EML6: variants seen among roughly 807,000 people sequenced by gnomAD.
The protein encoded by EML6 is EMAP like 6, also known as echinoderm microtubule-associated protein-like 6.
EML6 carries 154 observed loss-of-function variants against 240.1 expected under a neutral mutation model. That is an observed-to-expected ratio of 0.64 (90% CI 0.56 to 0.73). The LOEUF (loss-of-function observed/expected upper bound fraction) is 0.73. EML6 is among the 30% of genes least tolerant of loss of function. The pLI, the probability that EML6 is intolerant of heterozygous loss-of-function variation, is 0.00. For missense variants in EML6, 2,964 were observed against 2,474.6 expected, an observed-to-expected ratio of 1.20 and a Z score of -4.20; for synonymous variants, 1,148 against 899.0, an observed-to-expected ratio of 1.28 and a Z score of -4.95.
At chr2:54,862,635 C>G (rs533609299) in intron 12 of EML6, among the ~76,000 whole-genome samples, 15 of 152,060 alleles carry the variant, frequency 9.9e-5, no homozygotes, top group Non-Finnish European at 2.9e-5. Context: ...AATTCCCAAG[C>G]CTAGGAAAGA....
At chr2:54,933,845 C>T (rs565845639) in intron 28 of EML6, among the ~76,000 whole-genome samples, 1 of 152,300 alleles carries the variant, frequency 6.6e-6, no homozygotes, top group East Asian at 1.9e-4. Context: ...CCAGTTGCCA[C>T]ATCCAGGATC....
chr2:54,944,056 A>C lies in EML6; in HGVS notation c.4005-4826A>C, dbSNP rs149000165. Among the ~76,000 whole-genome samples, 423 of 151,932 alleles carry C rather than the reference A, an allele frequency of 2.8e-3. 1 individual carries two copies. Among genetic ancestry groups the C allele is most frequent in the African/African-American group, 9.6e-3 (397 of 41,378 alleles). ...TCTGCTTCCTCTTCCAGCCCCTTAC[A>C]TGCTGTTGGTCCTCAGGATTTTACC... On this transcript the variant is annotated intron_variant, in intron 28 of 41. Coordinates refer to ENST00000356458, the MANE Select transcript of EML6 (RefSeq NM_001039753.4).
At chr2:54,819,328 C>G (rs900441090) in intron 4 of EML6, among the ~76,000 whole-genome samples, 2 of 152,158 alleles carry the variant, frequency 1.3e-5, no homozygotes, top group African/African-American at 4.8e-5. Flanking sequence ...GGGCCCAATT[C>G]CAGACCCACT....
In EML6 at chr2:54,910,981, C is replaced by A; in HGVS notation, c.3437C>A (p.Ala1146Asp). 2 of 1,534,668 alleles carry A rather than the reference C, an allele frequency of 1.3e-6. No individual in the cohort carries two copies. The highest frequency in any genetic ancestry group is 1.8e-6 in the Non-Finnish European group (2 of 1,134,832). ...AAATTATTGCAAGTGAATTCAGGTG[C>A]CAGAGAACAACTTTTTTTTGAAGCT... Reference protein sequence around the residue: ...RGKLLQVNSGAREQLFFEAPR... With the variant: ...RGKLLQVNSGDREQLFFEAPR... The change falls in exon 25 of 42, where the codon GCC becomes GAC. Residue 1146 changes from alanine to aspartate, a missense_variant. By Grantham distance (126) the Ala-to-Asp change is moderately radical. Coordinates refer to ENST00000356458, the MANE Select transcript of EML6 (RefSeq NM_001039753.4).
intron 17 of EML6, among the ~76,000 whole-genome samples, chr2:54,884,464 A>T (rs999863598): frequency 6.6e-6 from 1 of 152,146 alleles, no homozygotes; most frequent in Non-Finnish European, 1.5e-5. Context: ...CCCTTCCCTG[A>T]AGGTCAGGAA....
intron 2 of EML6, among the ~76,000 whole-genome samples, chr2:54,802,618 ATACTACTACTACTAC>A (rs56119525): frequency 7.7e-4 from 108 of 139,944 alleles, no homozygotes; most frequent in East Asian, 3.6e-3. Flanking sequence ...ACCCTGTCTC[ATACTACTACTACTAC>A]TACTACTACT....
chr2:54,913,692 T>C (rs574342069), intron 25 of EML6, among the ~76,000 whole-genome samples: 10 of 152,358 alleles, frequency 6.6e-5, no homozygotes, highest in Middle Eastern at 3.4e-3. Context: ...TTTGTTTTTG[T>C]TACAATTGCT....
Position 54,892,734 on chromosome 2 carries a change from G to A in EML6, c.2742+78G>A, listed in dbSNP as rs374283125. On this transcript the variant is annotated intron_variant, in intron 19 of 41. Coordinates refer to ENST00000356458, the MANE Select transcript of EML6 (RefSeq NM_001039753.4). ...AGGTAGTCTTAGGATGGCCCAAGAGGATGCCTGTATCTAAAACAGGCCTGT... is the reference window on the plus strand; with the variant it reads ...AGGTAGTCTTAGGATGGCCCAAGAGAATGCCTGTATCTAAAACAGGCCTGT... 4.5e-4 allele frequency: 512 copies of A among 1,136,094 alleles called. 1 individual carries two copies. Among genetic ancestry groups the A allele is most frequent in the South Asian group, 3.5e-3 (224 of 64,258 alleles). 70.4% of individuals were successfully genotyped at this position (1,136,094 alleles called of 1,614,324 possible). A position where few individuals can be genotyped will look rare whatever the true frequency, so the allele number is the denominator to read the frequency against.
At chr2:54,752,323 A>G (rs1352111341) in intron 2 of EML6, among the ~76,000 whole-genome samples, 1 of 152,216 alleles carries the variant, frequency 6.6e-6, no homozygotes, top group Non-Finnish European at 1.5e-5. Flanking sequence ...AATATAACAC[A>G]TATATAAAAA....
chr2:54,861,778 T>G (rs1460413416), intron 12 of EML6, among the ~76,000 whole-genome samples: 2 of 150,010 alleles, frequency 1.3e-5, no homozygotes, highest in South Asian at 2.2e-4. Context: ...TGTTTTTTTT[T>G]TTTTTTTAAT....
At chr2:54,969,393 A>G (rs1030237501) in intron 41 of EML6, among the ~76,000 whole-genome samples, 1 of 152,200 alleles carries the variant, frequency 6.6e-6, no homozygotes, top group African/African-American at 2.4e-5. Flanking sequence ...GCACCTATAA[A>G]GAATCTCAAC....
At chr2:54,969,533 G>T (rs1281913689) in intron 41 of EML6, among the ~76,000 whole-genome samples, 1 of 152,200 alleles carries the variant, frequency 6.6e-6, no homozygotes, top group Admixed American at 6.5e-5. Context: ...TCCCTGTGAA[G>T]TGCTAACACC....
At chr2:54,951,551 GAAA>G (rs11375657) in intron 30 of EML6, among the ~76,000 whole-genome samples, 2 of 144,710 alleles carry the variant, frequency 1.4e-5, no homozygotes, top group South Asian at 2.2e-4. Context: ...ATTTCAAAAA[GAAA>G]AAAAAAAATA....
intron 2 of EML6, among the ~76,000 whole-genome samples, chr2:54,730,253 A>C (rs1683095830): frequency 6.6e-6 from 1 of 152,246 alleles, no homozygotes; most frequent in Non-Finnish European, 1.5e-5. Flanking sequence ...TTTTAGTCAA[A>C]ATTGTGACAT....
At chr2:54,962,984 A>T (rs762851431) in intron 36 of EML6, among the ~76,000 whole-genome samples, 2 of 152,244 alleles carry the variant, frequency 1.3e-5, no homozygotes, top group Non-Finnish European at 2.9e-5. Flanking sequence ...AAGACTAAAA[A>T]TGATTTAAAA....
At chr2:54,881,644 G>A (rs1182807982) in intron 17 of EML6, 11 of 78,476 alleles carry the variant, frequency 1.4e-4, no homozygotes, top group Non-Finnish European at 2.3e-4. Context: ...GTGAGACTCC[G>A]TCCCAAAAAA....
In EML6 at chr2:54,725,484, C is replaced by T. The variant is rs1326866431; in HGVS notation, c.197+226C>T. On this transcript the variant is annotated intron_variant, in intron 2 of 41. Transcript: ENST00000356458. This position sits in a 1 kb window ranked among gnomAD's most constrained non-coding sequence, Gnocchi z 4.3. Reference sequence around the variant, plus strand: ...CTTTTCGCTGTATCCCTCCGGAATTCTGGCTTTTAAATCTCCAAGGAGTTG... The same window carrying T: ...CTTTTCGCTGTATCCCTCCGGAATTTTGGCTTTTAAATCTCCAAGGAGTTG... Among the ~76,000 whole-genome samples, 2 of 152,166 alleles carry T rather than the reference C, an allele frequency of 1.3e-5. No individual in the cohort carries two copies. The highest frequency in any genetic ancestry group is 4.8e-5 in the African/African-American group (2 of 41,442).
At chr2:54,827,780 G>A in intron 6 of EML6, 29 bp downstream of exon 6, 3 of 1,503,538 alleles carry the variant, frequency 2.0e-6, no homozygotes, top group Non-Finnish European at 2.7e-6. Flanking sequence ...AAATCTGTGG[G>A]TGACCTACCA....
intron 21 of EML6, among the ~76,000 whole-genome samples, chr2:54,897,942 C>T (rs1041795351): frequency 7.9e-5 from 12 of 152,102 alleles, no homozygotes; most frequent in Non-Finnish European, 7.4e-5. Flanking sequence ...GTGAGTGAGA[C>T]GATGGGCTGT....
Sources: allele counts gnomAD v4.1 joint callset (sites outside exome capture counted in the v4.1 genomes callset), GRCh38; gene constraint gnomAD v4.1.1; non-coding constraint Gnocchi (gnomAD v3.1); transcripts MANE v1.5; gene names NCBI Gene and HGNC (gene_info 2026-07-23, HGNC 2026-07-21).